The following SLC2A14 variants were observed in gnomAD, a reference collection of about 807,000 sequenced individuals.
SLC2A14 encodes solute carrier family 2, facilitated glucose transporter member 14.
In SLC2A14, 13 loss-of-function variants were observed where a neutral mutation model predicts 43.0. That is an observed-to-expected ratio of 0.30 (90% CI 0.20 to 0.48). The LOEUF (loss-of-function observed/expected upper bound fraction) is 0.48. Ranked by LOEUF, SLC2A14 falls within the 20% of genes least tolerant of loss-of-function variation. The pLI is 0.99. For synonymous variants in SLC2A14, 190 were observed against 233.8 expected, an observed-to-expected ratio of 0.81 and a Z score of 1.71; for missense variants, 428 against 620.4, an observed-to-expected ratio of 0.69 and a Z score of 3.29.
At chr12:7,847,726 T>C (rs1866581411) in intron 2 of SLC2A14, among the ~76,000 whole-genome samples, 1 of 152,022 alleles carries the variant, frequency 6.6e-6, no homozygotes, top group Non-Finnish European at 1.5e-5. Context: ...CAGAGAGAGG[T>C]TGCTATGGGG....
At chr12:7,880,399 C>T (rs1353233154) in intron 1 of SLC2A14, among the ~76,000 whole-genome samples, 2 of 151,024 alleles carry the variant, frequency 1.3e-5, no homozygotes, top group Non-Finnish European at 2.9e-5. Flanking sequence ...CGCTTGAACC[C>T]AGGAGGCGGA....
intron 2 of SLC2A14, among the ~76,000 whole-genome samples, chr12:7,853,379 C>T (rs113108490): frequency 0.032 from 4,290 of 134,848 alleles, 81 homozygotes; most frequent in Non-Finnish European, 0.042. Context: ...GTGGAGGTTG[C>T]AGATCATGCC....
chr12:7,821,904 A>G (rs1334268065), intron 7 of SLC2A14, among the ~76,000 whole-genome samples: 22 of 144,946 alleles, frequency 1.5e-4, no homozygotes, highest in Admixed American at 8.6e-4. Context: ...GGCTCACTGC[A>G]ACCTCTACCT....
chr12:7,858,602 C>A (rs760272217), intron 2 of SLC2A14, among the ~76,000 whole-genome samples: 1 of 152,214 alleles, frequency 6.6e-6, no homozygotes, highest in East Asian at 1.9e-4. Context: ...CGGGTTCAAG[C>A]GATTCTCCTG....
intron 5 of SLC2A14, 125 bp from the exon 6 acceptor site, chr12:7,828,991 G>A: frequency 8.3e-7 from 1 of 1,204,638 alleles, no homozygotes; most frequent in Non-Finnish European, 1.1e-6. Context: ...GGAAGGCTGA[G>A]GCAGGTGGAT....
At chr12:7,839,913 C>A (rs1865783871) in intron 2 of SLC2A14, 3 of 311,402 alleles carry the variant, frequency 9.6e-6, no homozygotes, top group African/African-American at 5.9e-5. Context: ...CACAAGGAGA[C>A]CCTGTCTCTA....
intron 1 of SLC2A14, chr12:7,871,226 A>G (rs1365219306): frequency 8.0e-7 from 1 of 1,243,652 alleles, no homozygotes; most frequent in East Asian, 4.3e-5. Flanking sequence ...GACCACCTCC[A>G]GGAGCTGCTC....
chr12:7,856,046 A>G (rs964150407), intron 2 of SLC2A14: 4 of 152,130 alleles, frequency 2.6e-5, no homozygotes, highest in Non-Finnish European at 4.4e-5. Context: ...TATATTTTTA[A>G]TGCAAAACCA....
At chr12:7,871,002 A>C (rs12372284) in intron 1 of SLC2A14, 8 of 1,433,276 alleles carry the variant, frequency 5.6e-6, no homozygotes, top group East Asian at 3.4e-5. Context: ...GATGGCTTCA[A>C]TGACAAGGGG....
chr12:7,843,801 C>A (rs1866211525), intron 2 of SLC2A14, among the ~76,000 whole-genome samples: 2 of 151,236 alleles, frequency 1.3e-5, no homozygotes, highest in South Asian at 2.1e-4. Flanking sequence ...GAGGGGATAA[C>A]CTCTGGATCC....
intron 1 of SLC2A14, chr12:7,870,823 A>G: frequency 8.2e-7 from 1 of 1,218,236 alleles, no homozygotes; most frequent in Middle Eastern, 2.4e-4. Context: ...CCAAGAACCC[A>G]GTGAAGCCCC....
chr12:7,856,515 C>T (rs143745397), intron 2 of SLC2A14: 4 of 152,264 alleles, frequency 2.6e-5, no homozygotes, highest in African/African-American at 9.6e-5. Context: ...TTCTACTTTT[C>T]GCTACTTTCT....
intron 1 of SLC2A14, among the ~76,000 whole-genome samples, chr12:7,886,330 T>C (rs1055852582): frequency 6.8e-6 from 1 of 146,760 alleles, no homozygotes; most frequent in Non-Finnish European, 1.5e-5. Flanking sequence ...CCCAGCTAAT[T>C]AAATTTTTAA....
At chr12:7,825,782 GAAAGA>G (rs1864311086) in intron 7 of SLC2A14, among the ~76,000 whole-genome samples, 131 of 61,952 alleles carry the variant, frequency 2.1e-3, no homozygotes, top group Non-Finnish European at 3.4e-3. Context: ...AAAAAAAAAA[GAAAGA>G]AAAGAAAAGA....
intron 2 of SLC2A14, among the ~76,000 whole-genome samples, chr12:7,857,368 G>A (rs894880506): frequency 6.6e-6 from 1 of 152,096 alleles, no homozygotes; most frequent in Non-Finnish European, 1.5e-5. Flanking sequence ...GTGGGTGGAT[G>A]ACTTGAGGTC....
chr12:7,884,231 T>C (rs1000682438), intron 1 of SLC2A14, among the ~76,000 whole-genome samples: 4 of 152,136 alleles, frequency 2.6e-5, no homozygotes, highest in African/African-American at 9.7e-5. Flanking sequence ...GAATTTCCTT[T>C]TCAACATCAC....
chr12:7,850,531 G>A (rs951653282), intron 2 of SLC2A14, among the ~76,000 whole-genome samples: 3 of 151,992 alleles, frequency 2.0e-5, no homozygotes, highest in African/African-American at 7.3e-5. Context: ...AAGTAGCTGG[G>A]ATTACAGGCG....
chr12:7,879,780 G>A (rs1039970672), intron 1 of SLC2A14, among the ~76,000 whole-genome samples: 4 of 152,078 alleles, frequency 2.6e-5, no homozygotes, highest in African/African-American at 9.7e-5. Flanking sequence ...CAAAGCAGGA[G>A]GAACACTTGA....
At chr12:7,874,984 TATATAAA>T, upstream of SLC2A14, among the ~76,000 whole-genome samples, 1 of 76,212 alleles carries the variant, frequency 1.3e-5, no homozygotes, top group Non-Finnish European at 2.3e-5. Context: ...AATATATTTA[TATATAAA>T]TTATATATAA....
Sources: allele counts gnomAD v4.1 joint callset (sites outside exome capture counted in the v4.1 genomes callset), GRCh38; gene constraint gnomAD v4.1.1; transcripts MANE v1.5; gene names NCBI Gene and HGNC (gene_info 2026-07-23, HGNC 2026-07-21).